Variants in ZNF254 observed in about 807,000 individuals in gnomAD.
The protein encoded by ZNF254 is CTD-2017D11.1.
ZNF254 carries 10 observed loss-of-function variants against 12.4 expected under a neutral mutation model. The ratio of observed to expected loss-of-function variants is 0.80; its 90% CI spans 0.50 to 1.36. The LOEUF (loss-of-function observed/expected upper bound fraction) is 1.36, where lower values mean the gene tolerates loss of function less well. ZNF254 is among the 40% of genes most tolerant of loss of function. The probability of loss-of-function intolerance (pLI) is 0.00; values close to 1 mark genes in which losing one functional copy is unlikely to be tolerated. For missense variants in ZNF254, 996 were observed against 763.9 expected (o/e 1.30, Z -3.58); for synonymous variants, 305 against 253.4 (o/e 1.20, Z -1.93).
Position 24,129,446 on chromosome 19 carries a change from A to C in ZNF254, c.*1466A>C, listed in dbSNP as rs925889324. 6.6e-6 allele frequency: 1 copy of C among 152,078 alleles called. No individual in the cohort carries two copies. The highest frequency in any genetic ancestry group is 1.5e-5 in the Non-Finnish European group (1 of 67,934). 9.4% of individuals were successfully genotyped at this position (152,078 alleles called of 1,614,324 possible). A position where few individuals can be genotyped will look rare whatever the true frequency, so the allele number is the denominator to read the frequency against. ...GTAACAATACACTATTTGGTAAGAT[A>C]ATGTACTGACATCTCTAGCAATCTT... On this transcript the variant is annotated 3_prime_UTR_variant, in exon 4 of 4. Transcript: ENST00000357002.
intron 3 of ZNF254, among the ~76,000 whole-genome samples, chr19:24,115,611 A>G (rs1463362423): frequency 6.6e-6 from 1 of 152,026 alleles, no homozygotes; most frequent in Non-Finnish European, 1.5e-5. Flanking sequence ...CCAGCATGGC[A>G]CATGTATACA....
In ZNF254 at chr19:24,126,496, T is replaced by G. The variant is rs368915796; in HGVS notation, c.496T>G (p.Phe166Val). Residue 166 changes from phenylalanine (F) to valine (V), a missense_variant, in exon 4 of 4, where the codon TTT becomes GTT. Physicochemically the swap from Phe to Val is conservative, Grantham distance 50. Coordinates refer to ENST00000357002, the MANE Select transcript of ZNF254 (RefSeq NM_203282.4). ...TAAATATTTGAAAGTCTTCTATAAA[T>G]TTTTAAATTCAAACAGACCTAAGAT... ...CDKYLKVFYK[F>V]LNSNRPKIRH... 1.3e-6 allele frequency: 2 copies of G among 1,587,860 alleles called. No individual in the cohort carries two copies. The highest frequency in any genetic ancestry group is 2.7e-5 in the African/African-American group (2 of 73,114).
intron 3 of ZNF254, among the ~76,000 whole-genome samples, chr19:24,124,725 A>G (rs551819837): frequency 3.3e-5 from 5 of 150,686 alleles, no homozygotes; most frequent in East Asian, 3.9e-4. Context: ...TTCACTGACT[A>G]TCTCATAAGA....
rs150424358 is a variant in ZNF254, at chr19:24,070,007, T to C, written c.-94+23728T>C. ...GAGCCCACTGGTGAGGTCCTGAATC[T>C]CATATGCAGATGCAGTCCACAGTTG... On this transcript the variant is annotated intron_variant, in intron 2 of 4. Transcript: ENST00000613065. 1.1e-3 allele frequency among the ~76,000 whole-genome samples: 166 copies of C among 152,284 alleles called. 1 individual carries two copies. The highest frequency in any genetic ancestry group is 3.9e-3 in the African/African-American group (161 of 41,564).
chr19:24,049,210 A>ATTTTTTTTT (rs1256957447), intron 2 of ZNF254, among the ~76,000 whole-genome samples: 2 of 46,206 alleles, frequency 4.3e-5, no homozygotes, highest in African/African-American at 2.0e-4. Context: ...ATATATATAT[A>ATTTTTTTTT]TATATTTTTT....
At chr19:24,041,374 G>T (rs1372948171) in intron 1 of ZNF254, among the ~76,000 whole-genome samples, 2 of 152,254 alleles carry the variant, frequency 1.3e-5, no homozygotes, top group African/African-American at 2.4e-5. Context: ...TGGAGTTCCG[G>T]GTGGGCGTGG....
intron 3 of ZNF254, among the ~76,000 whole-genome samples, chr19:24,109,772 C>T (rs1973555195): frequency 6.8e-6 from 1 of 146,024 alleles, no homozygotes; most frequent in East Asian, 2.0e-4. Context: ...GTCTGGAGTA[C>T]AGTGCATGTG....
At chr19:24,093,799 A>ATT (rs563922669) in intron 1 of ZNF254, among the ~76,000 whole-genome samples, 10 of 148,702 alleles carry the variant, frequency 6.7e-5, no homozygotes, top group African/African-American at 2.5e-4. Flanking sequence ...TTTTACAATA[A>ATT]TTTTTTTTTT....
At chr19:24,049,933 T>C (rs781210302) in intron 2 of ZNF254, among the ~76,000 whole-genome samples, 7 of 151,880 alleles carry the variant, frequency 4.6e-5, no homozygotes, top group Non-Finnish European at 8.8e-5. Context: ...TTTTCTCCTC[T>C]TCTAGGTTTT....
chr19:24,120,654 T>TTTGTTG (rs143574815), intron 3 of ZNF254, among the ~76,000 whole-genome samples: 3,320 of 151,360 alleles, frequency 0.022, 124 homozygotes, highest in African/African-American at 0.076. Flanking sequence ...TTAGCATTTC[T>TTTGTTG]TTGTTGTTGT....
chr19:24,106,594 G>GA lies in ZNF254; in HGVS notation c.207dup (p.Glu70ArgfsTer9). ...ACCTGATCACCTGTCTGGAACAAGG[G>GA]AAAGAGCCCTGGAATATGAAGCGAC... On this transcript the variant is annotated frameshift_variant, in exon 3 of 4. Transcript: ENST00000357002. LOFTEE classifies it low-confidence loss of function (END_TRUNC). The GA allele has an allele frequency of 6.3e-7, 1 of 1,583,850 alleles. No homozygotes were observed. Among genetic ancestry groups the GA allele is most frequent in the Non-Finnish European group, 8.6e-7 (1 of 1,162,996 alleles).
chr19:24,050,483 CTT>C (rs1171364851), intron 2 of ZNF254, among the ~76,000 whole-genome samples: 1 of 152,196 alleles, frequency 6.6e-6, no homozygotes, highest in African/African-American at 2.4e-5. Flanking sequence ...TTATGTGACT[CTT>C]CTCTCTTACC....
intron 1 of ZNF254, among the ~76,000 whole-genome samples, chr19:24,101,927 A>G (rs929507217): frequency 4.6e-5 from 7 of 152,192 alleles, no homozygotes; most frequent in African/African-American, 1.7e-4. Context: ...TGGTACCCAG[A>G]TGAGAGTTTC....
intron 1 of ZNF254, among the ~76,000 whole-genome samples, chr19:24,093,050 A>T (rs1972484637): frequency 6.6e-6 from 1 of 152,130 alleles, no homozygotes; most frequent in Admixed American, 6.6e-5. Context: ...TCCAATAATT[A>T]TTGATAGGCA....
chr19:24,061,440 C>G (rs1971061909), intron 2 of ZNF254, among the ~76,000 whole-genome samples: 1 of 152,110 alleles, frequency 6.6e-6, no homozygotes, highest in South Asian at 2.1e-4. Context: ...GATGTGATGC[C>G]TTTTCTACCT....
rs200593487 is a variant in ZNF254 at position 24,127,130 on chromosome 19, G to T, written c.1130G>T (p.Arg377Leu). 3.1e-6 allele frequency: 5 copies of T among 1,606,296 alleles called. No homozygotes were observed. The highest frequency in any genetic ancestry group is 4.2e-6 in the Non-Finnish European group (5 of 1,177,356). Reference sequence around the variant, plus strand: ...AAGATAATTCATACTGGAGAGAAACGCTACAAATGCTTAGAATGTGGCAAA... The same window carrying T: ...AAGATAATTCATACTGGAGAGAAACTCTACAAATGCTTAGAATGTGGCAAA... ...THKIIHTGEK[R>L]YKCLECGKAF... The change falls in exon 4 of 4, where the codon CGC becomes CTC. Residue 377 changes from arginine to leucine, a missense_variant. Physicochemically the swap from Arg to Leu is moderately radical, Grantham distance 102 (BLOSUM62 -2). Transcript: ENST00000357002.
At chr19:24,043,266 A>AC (rs1253704398) in intron 1 of ZNF254, among the ~76,000 whole-genome samples, 1 of 147,446 alleles carries the variant, frequency 6.8e-6, no homozygotes. Context: ...GCCAAAAAAA[A>AC]ATTTTTTTTT....
intron 1 of ZNF254, 28 bp from the exon 2 acceptor site, chr19:24,105,910 TAA>T (rs755086375): frequency 2.1e-5 from 33 of 1,572,934 alleles, no homozygotes; most frequent in Non-Finnish European, 2.9e-5. Context: ...AGCCACTTTG[TAA>T]ATATGTGTGT....
At chr19:24,123,199 T>C (rs1159940391) in intron 3 of ZNF254, among the ~76,000 whole-genome samples, 1 of 152,242 alleles carries the variant, frequency 6.6e-6, no homozygotes, top group Non-Finnish European at 1.5e-5. Context: ...GTTTAATTTC[T>C]ATGTATTTGT....
Sources: allele counts gnomAD v4.1 joint callset (sites outside exome capture counted in the v4.1 genomes callset), GRCh38; gene constraint gnomAD v4.1.1; transcripts MANE v1.5; gene names NCBI Gene and HGNC (gene_info 2026-07-23, HGNC 2026-07-21).